DISP1: variants seen among roughly 807,000 people sequenced by gnomAD.
The protein encoded by DISP1 is protein dispatched homolog 1.
In DISP1, 30 loss-of-function variants were observed where a neutral mutation model predicts 37.3. The ratio of observed to expected loss-of-function variants is 0.80; its 90% CI spans 0.60 to 1.09. The LOEUF (loss-of-function observed/expected upper bound fraction) is 1.09, where lower values mean the gene tolerates loss of function less well. Ranked by LOEUF, DISP1 falls within the 50% of genes least tolerant of loss-of-function variation. DISP1 has a pLI of 0.00. For missense variants in DISP1, 1,598 were observed against 1,879.5 expected (o/e 0.85, Z 2.77); for synonymous variants, 634 against 690.2 (o/e 0.92, Z 1.28).
At chr1:222,982,480 C>T (rs908183598) in intron 3 of DISP1, among the ~76,000 whole-genome samples, 1 of 152,078 alleles carries the variant, frequency 6.6e-6, no homozygotes, top group East Asian at 1.9e-4. Flanking sequence ...CAAACTTATC[C>T]TATATCTGGG....
chr1:222,954,508 TAAC>T (rs1321649802), intron 3 of DISP1, among the ~76,000 whole-genome samples: 1 of 152,114 alleles, frequency 6.6e-6, no homozygotes, highest in African/African-American at 2.4e-5. Flanking sequence ...TAACAAAACT[TAAC>T]AACAGCAAAA....
chr1:222,869,898 C>A (rs1259682225), intron 1 of DISP1, among the ~76,000 whole-genome samples: 1 of 151,994 alleles, frequency 6.6e-6, no homozygotes, highest in Non-Finnish European at 1.5e-5. Flanking sequence ...ATTAACTCGT[C>A]ATTTAGCATT....
chr1:222,838,728 G>T (rs924779869), intron 1 of DISP1, among the ~76,000 whole-genome samples: 4 of 152,176 alleles, frequency 2.6e-5, no homozygotes, highest in Non-Finnish European at 4.4e-5. Context: ...CTATGATTGT[G>T]CCACTGCACT....
At chr1:222,962,304 T>C (rs1000381699) in intron 3 of DISP1, among the ~76,000 whole-genome samples, 2 of 152,114 alleles carry the variant, frequency 1.3e-5, no homozygotes, top group Admixed American at 1.3e-4. Context: ...GGAAAAACAT[T>C]CCATGCTCAT....
At chr1:222,885,215 C>T (rs1670521809) in intron 1 of DISP1, among the ~76,000 whole-genome samples, 2 of 152,176 alleles carry the variant, frequency 1.3e-5, no homozygotes, top group Admixed American at 1.3e-4. Flanking sequence ...TCTTCTTCCT[C>T]ATTTGTTTAT....
At chr1:222,927,657 C>T (rs1436653635) in intron 1 of DISP1, among the ~76,000 whole-genome samples, 8 of 152,026 alleles carry the variant, frequency 5.3e-5, no homozygotes, top group African/African-American at 1.4e-4. Context: ...TTTTTATTAC[C>T]AAAGTCATGA....
intron 3 of DISP1, among the ~76,000 whole-genome samples, chr1:222,943,960 G>T (rs191181601): frequency 1.0e-3 from 157 of 151,564 alleles, no homozygotes; most frequent in African/African-American, 3.6e-3. Flanking sequence ...AACCTGGGAG[G>T]TGGAGGTTGT....
intron 3 of DISP1, among the ~76,000 whole-genome samples, chr1:222,948,391 C>A (rs1424862989): frequency 6.6e-6 from 1 of 152,172 alleles, no homozygotes; most frequent in Non-Finnish European, 1.5e-5. Flanking sequence ...TCCACAGAAG[C>A]AAATGTGCTC....
At chr1:222,850,089 A>G (rs897108307) in intron 1 of DISP1, among the ~76,000 whole-genome samples, 2 of 152,216 alleles carry the variant, frequency 1.3e-5, no homozygotes, top group Non-Finnish European at 2.9e-5. Context: ...AATGTATAAG[A>G]TAAGCCCCAT....
chr1:222,961,702 T>C lies in DISP1; in HGVS notation c.509+18370T>C, dbSNP rs1015801095. 2.6e-5 allele frequency among the ~76,000 whole-genome samples: 4 copies of C among 152,274 alleles called. No homozygotes were observed. In the South Asian group the frequency reaches 8.3e-4, roughly 32 times the overall value. ...TGTATCTGTTTGCAGACAATATGAT[T>C]TTATATTTAGAAAACCCCATCATCG... On this transcript the variant is annotated intron_variant, in intron 3 of 8. Transcript: ENST00000675850.
At chr1:222,895,861 GA>G (rs1671220095) in intron 1 of DISP1, among the ~76,000 whole-genome samples, 1 of 152,160 alleles carries the variant, frequency 6.6e-6, no homozygotes, top group Non-Finnish European at 1.5e-5. Context: ...ACTTTTAGAA[GA>G]AAACATAGAG....
At chr1:222,977,342 CTT>C (rs397982983) in intron 3 of DISP1, among the ~76,000 whole-genome samples, 2 of 113,882 alleles carry the variant, frequency 1.8e-5, no homozygotes, top group African/African-American at 3.5e-5. Flanking sequence ...TCAGCATATT[CTT>C]TTTTTTTTTT....
At chr1:222,951,496 T>C (rs74554696) in intron 3 of DISP1, among the ~76,000 whole-genome samples, 2,332 of 152,310 alleles carry the variant, frequency 0.015, 56 homozygotes, top group African/African-American at 0.053. Context: ...GCCCTGGTGA[T>C]TGTATTATTT....
At chr1:222,872,027 CTG>C (rs1251550448) in intron 1 of DISP1, among the ~76,000 whole-genome samples, 513 of 152,190 alleles carry the variant, frequency 3.4e-3, no homozygotes, top group African/African-American at 0.012. Flanking sequence ...AAGGCCTTTT[CTG>C]CATCTATTGA....
intron 2 of DISP1, among the ~76,000 whole-genome samples, chr1:222,931,538 A>G (rs532525179): frequency 4.3e-4 from 65 of 152,100 alleles, no homozygotes; most frequent in South Asian, 8.3e-4. Context: ...AGACACACCT[A>G]TCACATCTTA....
At chr1:222,881,084 G>A (rs2125366415) in intron 1 of DISP1, among the ~76,000 whole-genome samples, 1 of 152,270 alleles carries the variant, frequency 6.6e-6, no homozygotes, top group Admixed American at 6.5e-5. Context: ...GTCTGGAAGA[G>A]TTTTAGAAAA....
At chr1:222,946,556 A>G (rs1237097924) in intron 3 of DISP1, among the ~76,000 whole-genome samples, 2 of 152,162 alleles carry the variant, frequency 1.3e-5, no homozygotes, top group Non-Finnish European at 2.9e-5. Flanking sequence ...TATATAATCC[A>G]CAATGTTTAC....
At chr1:222,888,871 T>C (rs946183601) in intron 1 of DISP1, among the ~76,000 whole-genome samples, 1 of 152,058 alleles carries the variant, frequency 6.6e-6, no homozygotes, top group Non-Finnish European at 1.5e-5. Flanking sequence ...TCTTAGTTTA[T>C]TCAGTTGCTT....
chr1:222,901,292 A>G (rs547900214), intron 1 of DISP1, among the ~76,000 whole-genome samples: 1 of 152,342 alleles, frequency 6.6e-6, no homozygotes, highest in East Asian at 1.9e-4. Flanking sequence ...TAGATATCTG[A>G]AAGAAAAAGA....
Sources: gnomAD v4.1 joint callset for allele counts (sites outside exome capture counted in the v4.1 genomes callset) on GRCh38, gnomAD v4.1.1 for gene constraint, MANE v1.5 for transcripts, NCBI Gene and HGNC (gene_info 2026-07-23, HGNC 2026-07-21) for gene names.